Variants in BMPER observed in about 807,000 individuals in gnomAD.
BMPER encodes BMP binding endothelial regulator.
A neutral mutation model predicts 87.3 loss-of-function variants in BMPER; 45 were observed. That is an observed-to-expected ratio of 0.52 (90% CI 0.41 to 0.66). The LOEUF (loss-of-function observed/expected upper bound fraction) is 0.66. Ranked by LOEUF, BMPER falls within the 30% of genes least tolerant of loss-of-function variation. BMPER has a pLI of 0.00. For synonymous variants in BMPER, 326 were observed against 316.2 expected (o/e 1.03, Z -0.33); for missense variants, 784 against 867.5 (o/e 0.90, Z 1.21).
intron 13 of BMPER, among the ~76,000 whole-genome samples, chr7:34,130,654 G>A (rs897703602): frequency 6.6e-6 from 1 of 152,240 alleles, no homozygotes; most frequent in African/African-American, 2.4e-5. Flanking sequence ...GGGGCATGGT[G>A]GAGTAGATGG....
At chr7:34,057,494 G>T (rs751718554) in intron 9 of BMPER, among the ~76,000 whole-genome samples, 4 of 152,112 alleles carry the variant, frequency 2.6e-5, no homozygotes, top group Non-Finnish European at 5.9e-5. Flanking sequence ...TTCTCTCTGA[G>T]CTCTGCATTT....
intron 13 of BMPER, among the ~76,000 whole-genome samples, chr7:34,115,471 C>T (rs1790093584): frequency 6.6e-6 from 1 of 152,034 alleles, no homozygotes; most frequent in South Asian, 2.1e-4. Context: ...TAAAAGTAAC[C>T]CTATATGCTT....
chr7:34,139,094 C>A (rs1016991292), intron 13 of BMPER, among the ~76,000 whole-genome samples: 6 of 152,182 alleles, frequency 3.9e-5, no homozygotes, highest in Non-Finnish European at 1.5e-5. Context: ...AGTTGAATAA[C>A]AATTGTTTTG....
chr7:34,086,911 A>G (rs1789227411), intron 13 of BMPER, among the ~76,000 whole-genome samples: 1 of 152,142 alleles, frequency 6.6e-6, no homozygotes, highest in East Asian at 1.9e-4. Context: ...GTGGGAGGAA[A>G]CACAAGATGA....
At chr7:34,117,490 C>T (rs1286555475) in intron 13 of BMPER, among the ~76,000 whole-genome samples, 1 of 152,152 alleles carries the variant, frequency 6.6e-6, no homozygotes, top group Non-Finnish European at 1.5e-5. Flanking sequence ...GACAAAAAAG[C>T]TGTTAGGTTG....
rs755957711 is a variant in BMPER at position 34,085,927 on chromosome 7, G to C, written c.1580G>C (p.Arg527Thr). 6.2e-7 allele frequency: 1 copy of C among 1,614,152 alleles called. No homozygotes were observed. The highest frequency in any genetic ancestry group is 1.3e-5 in the African/African-American group (1 of 75,040). ...GTGGATGACTTTGCTGAATCTTGGA[G>C]GGTGGAGTCCAATGAGTTCTGCAAC... ...FDVDDFAESW[R>T]VESNEFCNRP... is the part of the protein sequence containing the mutation. Residue 527 changes from arginine (R) to threonine (T), a missense_variant, in exon 13 of 15, where the codon AGG (arginine) becomes ACG (threonine). By Grantham distance (71) the Arg-to-Thr change is moderately conservative. Coordinates refer to ENST00000649409, the MANE Select transcript of BMPER (RefSeq NM_001365308.1).
At chr7:34,062,073 C>T (rs1303325356) in intron 11 of BMPER, 26 bp downstream of exon 11, 1 of 1,596,068 alleles carries the variant, frequency 6.3e-7, no homozygotes, top group African/African-American at 1.3e-5. Context: ...TGAAAATGTG[C>T]TATTAGTATT....
chr7:33,931,848 A>G (rs1784487886), intron 2 of BMPER, among the ~76,000 whole-genome samples: 1 of 152,244 alleles, frequency 6.6e-6, no homozygotes, highest in African/African-American at 2.4e-5. Context: ...AGTAAGCATC[A>G]AAATGTCCTA....
chr7:33,911,297 A>C (rs1490942839), intron 2 of BMPER, among the ~76,000 whole-genome samples: 2 of 152,238 alleles, frequency 1.3e-5, no homozygotes, highest in Admixed American at 6.5e-5. Flanking sequence ...TCCATGCTTT[A>C]TTCAGGCTCA....
At chr7:33,979,009 A>G (rs1412657047) in intron 6 of BMPER, among the ~76,000 whole-genome samples, 6 of 152,110 alleles carry the variant, frequency 3.9e-5, no homozygotes, top group Admixed American at 1.3e-4. Context: ...AAGTGTGGGC[A>G]TGTGCACACA....
At chr7:34,065,556 T>A (rs201125713) in intron 11 of BMPER, among the ~76,000 whole-genome samples, 3 of 152,286 alleles carry the variant, frequency 2.0e-5, no homozygotes, top group East Asian at 3.9e-4. Flanking sequence ...CTAGTAGCCA[T>A]AACTGACCCT....
rs527764189 is a variant in BMPER at position 34,004,828 on chromosome 7, T to A, written c.576+30044T>A. ...ACCCTGCTTATCCTTCACTTTCGGA[T>A]TGCACAGAGCCTCAAGGTTAGCCAG... On this transcript the variant is annotated intron_variant, in intron 6 of 14. Transcript: ENST00000649409. 3.9e-5 allele frequency among the ~76,000 whole-genome samples: 6 copies of A among 152,246 alleles called. No homozygotes were observed. The South Asian group carries it at 1.2e-3, about 32-fold the overall frequency.
upstream of BMPER, chr7:33,905,529 A>G (rs1355346987): frequency 2.8e-6 from 4 of 1,450,072 alleles, no homozygotes; most frequent in Non-Finnish European, 2.8e-6. Flanking sequence ...GCCGGCTGAG[A>G]GCCCTTTTCG....
At chr7:34,108,018 G>T (rs1176518088) in intron 13 of BMPER, among the ~76,000 whole-genome samples, 1 of 152,156 alleles carries the variant, frequency 6.6e-6, no homozygotes, top group Non-Finnish European at 1.5e-5. Context: ...TGCTACGCAT[G>T]TATACTCATT....
intron 11 of BMPER, among the ~76,000 whole-genome samples, chr7:34,062,707 G>T (rs1317223629): frequency 6.6e-6 from 1 of 152,198 alleles, no homozygotes; most frequent in Non-Finnish European, 1.5e-5. Flanking sequence ...AGCCTATATG[G>T]TATAGCCTGT....
chr7:33,974,877 T>G, intron 6 of BMPER, 93 bp downstream of exon 6: 1 of 1,243,894 alleles, frequency 8.0e-7, no homozygotes, highest in South Asian at 1.2e-5. Flanking sequence ...AGCCTCTCTC[T>G]CGTCTCCTCT....
chr7:33,943,666 C>T (rs1265979920), intron 3 of BMPER, among the ~76,000 whole-genome samples: 11 of 152,170 alleles, frequency 7.2e-5, no homozygotes, highest in African/African-American at 2.2e-4. Flanking sequence ...TCCCTCTTCC[C>T]TGAGAGTTTT....
At chr7:34,036,079 C>T (rs1356604177) in intron 6 of BMPER, among the ~76,000 whole-genome samples, 1 of 152,096 alleles carries the variant, frequency 6.6e-6, no homozygotes, top group Non-Finnish European at 1.5e-5. Flanking sequence ...GGTGTTATTT[C>T]CTTCCTTTTA....
At chr7:33,921,334 G>C (rs1784224803) in intron 2 of BMPER, among the ~76,000 whole-genome samples, 1 of 152,194 alleles carries the variant, frequency 6.6e-6, no homozygotes, top group Admixed American at 6.5e-5. Context: ...AGGTAGCGCT[G>C]GCATTCTTAA....
Sources: allele counts gnomAD v4.1 joint callset (sites outside exome capture counted in the v4.1 genomes callset), GRCh38; gene constraint gnomAD v4.1.1; transcripts MANE v1.5; gene names NCBI Gene and HGNC (gene_info 2026-07-23, HGNC 2026-07-21).